Variants in RAB3C observed in about 807,000 individuals in gnomAD.
The protein encoded by RAB3C is RAB3C, member RAS oncogene family.
In RAB3C, 17 loss-of-function variants were observed where a neutral mutation model predicts 26.4. That is an observed-to-expected ratio of 0.64 (90% CI 0.44 to 0.97). RAB3C has a LOEUF of 0.97. RAB3C is among the 50% of genes least tolerant of loss of function. RAB3C has a pLI of 0.00. For synonymous variants in RAB3C, 91 were observed against 95.9 expected (o/e 0.95, Z 0.30); for missense variants, 242 against 281.9 (o/e 0.86, Z 1.01).
chr5:58,647,739 A>T (rs779107997), intron 2 of RAB3C: 10 of 152,208 alleles, frequency 6.6e-5, no homozygotes, highest in Admixed American at 1.3e-4. Flanking sequence ...AATTTTTTCA[A>T]TGACACGTTG....
At position 58,824,188 on chromosome 5, in the gene RAB3C, G is replaced by A. The variant is rs16888655; in HGVS notation, c.372-850G>A. Among the ~76,000 whole-genome samples, 387 of 151,956 alleles carry A rather than the reference G, an allele frequency of 2.5e-3. 3 individuals carry two copies. The highest frequency in any genetic ancestry group is 6.7e-3 in the South Asian group (32 of 4,802). On this transcript the variant is annotated intron_variant, in intron 3 of 4. Transcript: ENST00000282878. ...GTGAATAGTGTCGCAATAAACATACGTGTGCGTGTGTCTTTATAGCAGCAT... is the reference window on the plus strand; with the variant it reads ...GTGAATAGTGTCGCAATAAACATACATGTGCGTGTGTCTTTATAGCAGCAT...
chr5:58,724,306 T>C (rs1740834265), intron 2 of RAB3C, among the ~76,000 whole-genome samples: 1 of 151,786 alleles, frequency 6.6e-6, no homozygotes, highest in South Asian at 2.1e-4. Flanking sequence ...TTTACAGAGG[T>C]TCAGTAACTT....
chr5:58,792,333 C>T (rs1742542560), intron 3 of RAB3C, among the ~76,000 whole-genome samples: 1 of 152,160 alleles, frequency 6.6e-6, no homozygotes, highest in Non-Finnish European at 1.5e-5. Flanking sequence ...CAATAACAGC[C>T]CTATGGCTAT....
chr5:58,608,801 A>G (rs1746628373), intron 1 of RAB3C, among the ~76,000 whole-genome samples: 1 of 152,206 alleles, frequency 6.6e-6, no homozygotes, highest in African/African-American at 2.4e-5. Flanking sequence ...ATATCCATCA[A>G]AGGTAGACTG....
chr5:58,764,298 G>A (rs1579906250), intron 3 of RAB3C, among the ~76,000 whole-genome samples: 1 of 151,952 alleles, frequency 6.6e-6, no homozygotes, highest in Non-Finnish European at 1.5e-5. Context: ...CACGGCTATG[G>A]CCTTTAAATC....
chr5:58,687,252 AT>A (rs1169460229), intron 2 of RAB3C, among the ~76,000 whole-genome samples: 2 of 152,122 alleles, frequency 1.3e-5, no homozygotes, highest in Non-Finnish European at 2.9e-5. Context: ...TATTCCCCAA[AT>A]CATATTTTAT....
intron 3 of RAB3C, among the ~76,000 whole-genome samples, chr5:58,795,345 G>T (rs1742619374): frequency 1.3e-5 from 2 of 152,080 alleles, no homozygotes; most frequent in Admixed American, 6.5e-5. Flanking sequence ...GAATACTATG[G>T]GTTTCCCACT....
chr5:58,706,973 T>G (rs1748954994), intron 2 of RAB3C, among the ~76,000 whole-genome samples: 1 of 152,208 alleles, frequency 6.6e-6, no homozygotes, highest in Non-Finnish European at 1.5e-5. Context: ...AGTTTCCAGT[T>G]TTTATTTACT....
At chr5:58,819,162 A>T (rs146398498) in intron 3 of RAB3C, among the ~76,000 whole-genome samples, 218 of 152,362 alleles carry the variant, frequency 1.4e-3, no homozygotes, top group African/African-American at 5.1e-3. Flanking sequence ...TAAAAAGTAC[A>T]GTGTGGCCCT....
chr5:58,729,844 C>A (rs901161409), intron 3 of RAB3C, among the ~76,000 whole-genome samples: 2 of 144,732 alleles, frequency 1.4e-5, no homozygotes, highest in Non-Finnish European at 3.0e-5. Flanking sequence ...TATATATACA[C>A]ATATACATAT....
Position 58,852,185 on chromosome 5 carries a change from G to C in RAB3C, c.*834G>C, listed in dbSNP as rs1321665435. 1 of 152,164 alleles carries C rather than the reference G, an allele frequency of 6.6e-6. No individual in the cohort carries two copies. The highest frequency in any genetic ancestry group is 1.5e-5 in the Non-Finnish European group (1 of 68,054). 9.4% of individuals were successfully genotyped at this position (152,164 alleles called of 1,614,324 possible). The stretch of plus-strand genomic sequence containing the variant: ...CAAGCATTTTAACCAAGAAGGGTAT[G>C]AGTAGCTATGGAATTCCAAGGTCCA... On this transcript the variant is annotated 3_prime_UTR_variant, in exon 5 of 5. Coordinates refer to ENST00000282878, the MANE Select transcript of RAB3C (RefSeq NM_138453.4).
At chr5:58,700,006 C>T (rs999075539) in intron 2 of RAB3C, among the ~76,000 whole-genome samples, 22 of 152,184 alleles carry the variant, frequency 1.4e-4, no homozygotes, top group African/African-American at 5.1e-4. Flanking sequence ...ATGAACCAGG[C>T]ACCTCAGTTG....
At chr5:58,839,650 A>G (rs946698624) in intron 4 of RAB3C, among the ~76,000 whole-genome samples, 2 of 152,080 alleles carry the variant, frequency 1.3e-5, no homozygotes, top group Non-Finnish European at 1.5e-5. Flanking sequence ...GATTACAGAC[A>G]TGAGCCACTG....
chr5:58,717,734 ACT>A (rs2111907446), intron 2 of RAB3C, among the ~76,000 whole-genome samples: 1 of 152,168 alleles, frequency 6.6e-6, no homozygotes, highest in African/African-American at 2.4e-5. Flanking sequence ...TCCATGGGAA[ACT>A]CACATAATCT....
In RAB3C at chr5:58,709,392, A is replaced by G. The variant is rs142777381; in HGVS notation, c.253-16610A>G. Among the ~76,000 whole-genome samples the G allele has an allele frequency of 4.2e-3, 639 of 152,306 alleles. 1 individual carries two copies. Among genetic ancestry groups the G allele is most frequent in the Middle Eastern group, 0.041 (12 of 294 alleles). On this transcript the variant is annotated intron_variant, in intron 2 of 4. Coordinates refer to ENST00000282878, the MANE Select transcript of RAB3C (RefSeq NM_138453.4). ...CTTCCAGAGGGGTAGCACCTCCTCCACAGAGGCGAGTCCACAATTCACAGT... is the reference window on the plus strand; with the variant it reads ...CTTCCAGAGGGGTAGCACCTCCTCCGCAGAGGCGAGTCCACAATTCACAGT...
intron 2 of RAB3C, among the ~76,000 whole-genome samples, chr5:58,640,669 C>T (rs1747396255): frequency 6.6e-6 from 1 of 152,120 alleles, no homozygotes; most frequent in African/African-American, 2.4e-5. Flanking sequence ...TAAAAATCCT[C>T]TCATAAGTGT....
At chr5:58,766,076 A>T (rs935075750) in intron 3 of RAB3C, among the ~76,000 whole-genome samples, 3 of 151,046 alleles carry the variant, frequency 2.0e-5, no homozygotes, top group African/African-American at 7.3e-5. Flanking sequence ...TGGAACTGTG[A>T]GTCAATTAAA....
intron 1 of RAB3C, among the ~76,000 whole-genome samples, chr5:58,615,289 T>C (rs891245834): frequency 1.1e-4 from 17 of 152,226 alleles, no homozygotes; most frequent in African/African-American, 4.1e-4. Context: ...CTAGGAAATA[T>C]ATAGTGTCTC....
At chr5:58,740,417 G>A (rs6450489) in intron 3 of RAB3C, among the ~76,000 whole-genome samples, 2,084 of 152,304 alleles carry the variant, frequency 0.014, 50 homozygotes, top group African/African-American at 0.048. Flanking sequence ...TCCATCCTGT[G>A]TTGGGAGCTC....
Sources: allele counts gnomAD v4.1 joint callset (sites outside exome capture counted in the v4.1 genomes callset), GRCh38; gene constraint gnomAD v4.1.1; transcripts MANE v1.5; gene names NCBI Gene and HGNC (gene_info 2026-07-23, HGNC 2026-07-21).